Variants in AGTPBP1 observed in about 807,000 individuals in gnomAD.
AGTPBP1 encodes ATP/GTP binding carboxypeptidase 1, also known as cytosolic carboxypeptidase 1.
AGTPBP1 carries 70 observed loss-of-function variants against 143.9 expected under a neutral mutation model. The ratio of observed to expected loss-of-function variants is 0.49; its 90% CI spans 0.40 to 0.59. The LOEUF (loss-of-function observed/expected upper bound fraction) is 0.59. Ranked by LOEUF, AGTPBP1 falls within the 20% of genes least tolerant of loss-of-function variation. AGTPBP1 has a pLI of 0.00. For synonymous variants in AGTPBP1, 463 were observed against 500.2 expected, an observed-to-expected ratio of 0.93 and a Z score of 0.99; for missense variants, 1,229 against 1,464.5, an observed-to-expected ratio of 0.84 and a Z score of 2.62.
rs750473889 is a variant in AGTPBP1, at chr9:85,681,328, T to G, written c.165A>C (p.Thr55=). The G allele has an allele frequency of 1.9e-6, 3 of 1,611,404 alleles. No homozygotes were observed. Among genetic ancestry groups the G allele is most frequent in the East Asian group, 4.5e-5 (2 of 44,796 alleles). The change falls in exon 4 of 26, where the codon ACA becomes ACC. Residue 55 remains threonine, a synonymous_variant. Transcript: ENST00000357081. The part of the protein sequence containing the change: ...ILHLAQSQEK[T]RREMTAKGST... ...AACCTTTGGCTGTCATTTCTCTCCT[T>G]GTTTTTTCTGAAAAGTAGCAAACAA...
intron 25 of AGTPBP1, among the ~76,000 whole-genome samples, chr9:85,561,386 C>CAA (rs57157743): frequency 1.7e-4 from 12 of 70,160 alleles, no homozygotes; most frequent in Admixed American, 1.6e-4. Context: ...GGCTCCATCT[C>CAA]AAAAAAAAAA....
chr9:85,712,200 G>A (rs2134486771), intron 2 of AGTPBP1, among the ~76,000 whole-genome samples: 1 of 152,180 alleles, frequency 6.6e-6, no homozygotes, highest in Middle Eastern at 3.4e-3. Flanking sequence ...AGAGGCAGAG[G>A]TTGTAGTGAG....
chr9:85,794,319 A>G, the AGTPBP1 span, among the ~76,000 whole-genome samples: 16 of 152,124 alleles, frequency 1.1e-4, no homozygotes, highest in Admixed American at 8.5e-4. Context: ...TCTTTGATCA[A>G]TTTTGAATTA....
At chr9:85,749,021 G>C in the AGTPBP1 span, among the ~76,000 whole-genome samples, 1 of 31,448 alleles carries the variant, frequency 3.2e-5, no homozygotes, top group Non-Finnish European at 5.6e-5. Context: ...TTTTTTTTTT[G>C]AGACAAGGTC....
chr9:85,754,570 T>C, the AGTPBP1 span, among the ~76,000 whole-genome samples: 3 of 152,140 alleles, frequency 2.0e-5, no homozygotes, highest in Non-Finnish European at 4.4e-5. Context: ...AGCCATTATT[T>C]TAGTGCCACC....
At chr9:85,709,202 T>G (rs1237507850) in intron 2 of AGTPBP1, among the ~76,000 whole-genome samples, 3 of 152,136 alleles carry the variant, frequency 2.0e-5, no homozygotes, top group Non-Finnish European at 4.4e-5. Flanking sequence ...ATTCACCTAT[T>G]AATAAACTAA....
intron 25 of AGTPBP1, among the ~76,000 whole-genome samples, chr9:85,553,111 C>G (rs1826128585): frequency 6.6e-6 from 1 of 152,062 alleles, no homozygotes; most frequent in Non-Finnish European, 1.5e-5. Flanking sequence ...CAAAGTTATC[C>G]ATAGAAAATG....
chr9:85,693,227 C>T (rs1163903253), intron 2 of AGTPBP1, among the ~76,000 whole-genome samples: 1 of 152,162 alleles, frequency 6.6e-6, no homozygotes, highest in Non-Finnish European at 1.5e-5. Context: ...AGAATACACT[C>T]ACTTTCCTGT....
intron 10 of AGTPBP1, among the ~76,000 whole-genome samples, chr9:85,655,914 G>A (rs1833476935): frequency 6.6e-6 from 1 of 152,128 alleles, no homozygotes; most frequent in Non-Finnish European, 1.5e-5. Context: ...TGCAAGCTCC[G>A]CCTCCTGGGT....
chr9:85,782,874 A>G, the AGTPBP1 span, among the ~76,000 whole-genome samples: 1 of 152,368 alleles, frequency 6.6e-6, no homozygotes, highest in East Asian at 1.9e-4. Flanking sequence ...TGCCTGCTAT[A>G]TATAGCTAAA....
intron 16 of AGTPBP1, 31 bp from the exon 17 acceptor site, chr9:85,619,162 A>G: frequency 6.2e-7 from 1 of 1,610,564 alleles, no homozygotes; most frequent in South Asian, 1.1e-5. Context: ...AATCTGATGA[A>G]AATTAGGAAA....
intron 2 of AGTPBP1, among the ~76,000 whole-genome samples, chr9:85,709,039 T>C (rs981721352): frequency 2.6e-5 from 4 of 152,214 alleles, no homozygotes; most frequent in African/African-American, 9.7e-5. Flanking sequence ...TATTACAATA[T>C]GCTTCATGAA....
chr9:85,636,966 TACC>T (rs1832098676), intron 13 of AGTPBP1, among the ~76,000 whole-genome samples: 1 of 151,552 alleles, frequency 6.6e-6, no homozygotes, highest in Non-Finnish European at 1.5e-5. Flanking sequence ...AACATACACT[TACC>T]ATACATACCA....
At chr9:85,616,100 T>C (rs2133486895) in intron 17 of AGTPBP1, among the ~76,000 whole-genome samples, 1 of 152,128 alleles carries the variant, frequency 6.6e-6, no homozygotes, top group South Asian at 2.1e-4. Flanking sequence ...AATCATACAC[T>C]GCATTATAAA....
At chr9:85,753,308 A>T in the AGTPBP1 span, 2 of 1,613,870 alleles carry the variant, frequency 1.2e-6, no homozygotes, top group Non-Finnish European at 1.7e-6. Flanking sequence ...TTCTATAGGA[A>T]CTACAATTAA....
chr9:85,655,009 A>G, intron 11 of AGTPBP1, 134 bp downstream of exon 11: 1 of 800,204 alleles, frequency 1.2e-6, no homozygotes, highest in Non-Finnish European at 1.8e-6. Flanking sequence ...TGCTTAACTA[A>G]AATAAAATGT....
intron 12 of AGTPBP1, 69 bp downstream of exon 12, chr9:85,646,252 C>A: frequency 1.0e-6 from 1 of 1,004,808 alleles, no homozygotes; most frequent in East Asian, 2.5e-5. Context: ...TATTTATTTA[C>A]CCAATTTTTG....
intron 4 of AGTPBP1, among the ~76,000 whole-genome samples, chr9:85,680,690 G>A (rs1020530886): frequency 1.3e-5 from 2 of 152,024 alleles, no homozygotes; most frequent in African/African-American, 4.8e-5. Flanking sequence ...TCTTTATGAT[G>A]CTAAGACTTC....
chr9:85,577,221 G>A (rs185811743), intron 24 of AGTPBP1, among the ~76,000 whole-genome samples: 31 of 152,246 alleles, frequency 2.0e-4, no homozygotes, highest in East Asian at 5.8e-4. Context: ...CAGATGTCCC[G>A]ACAGCTTCTT....
Sources: gnomAD v4.1 joint callset for allele counts (sites outside exome capture counted in the v4.1 genomes callset) on GRCh38, gnomAD v4.1.1 for gene constraint, MANE v1.5 for transcripts, NCBI Gene and HGNC (gene_info 2026-07-23, HGNC 2026-07-21) for gene names.